Variants in NDUFS1 observed in about 807,000 individuals in gnomAD.
NDUFS1 encodes the protein NADH:ubiquinone oxidoreductase core subunit S1.
NDUFS1 carries 61 observed loss-of-function variants against 84.4 expected under a neutral mutation model. That is an observed-to-expected ratio of 0.72 (90% CI 0.59 to 0.89). The LOEUF (loss-of-function observed/expected upper bound fraction) is 0.89, where lower values mean the gene tolerates loss of function less well. Among genes scored for constraint, NDUFS1 ranks in the 40% least tolerant of loss-of-function variants. The pLI, the probability that NDUFS1 is intolerant of heterozygous loss-of-function variation, is 0.00. For missense variants in NDUFS1, 891 were observed against 890.0 expected (o/e 1.00, Z -0.01); for synonymous variants, 275 against 290.0 (o/e 0.95, Z 0.53).
In NDUFS1 at chr2:206,130,343, C is replaced by A. The variant is rs1019734815; in HGVS notation, c.1554-101G>T. 1.0e-5 allele frequency: 14 copies of A among 1,401,816 alleles called. No individual in the cohort carries two copies. In the Middle Eastern group the frequency reaches 9.6e-4, roughly 96 times the overall value. 86.8% of individuals were successfully genotyped at this position (1,401,816 alleles called of 1,614,324 possible). Reference sequence around the variant, plus strand: ...ATTTCCTTTCAACAATGTCAAAAAACCCATTTTATTTTATTTTATTTTTTT... The same window carrying A: ...ATTTCCTTTCAACAATGTCAAAAAAACCATTTTATTTTATTTTATTTTTTT... On this transcript the variant is annotated intron_variant, in intron 14 of 18. Coordinates refer to ENST00000233190, the MANE Select transcript of NDUFS1 (RefSeq NM_005006.7).
At position 206,118,381 on chromosome 2, in the gene NDUFS1, T is replaced by G. The variant is rs1373619993; in HGVS notation, c.*5804A>C. 2.0e-5 allele frequency: 3 copies of G among 152,248 alleles called. No homozygotes were observed. Among genetic ancestry groups the G allele is most frequent in the African/African-American group, 7.2e-5 (3 of 41,448 alleles). The allele number at this position is 152,248 out of a possible 1,614,324, so 9.4% of individuals were successfully genotyped here. ...TGGCTCATGCCTGTAATCCCAGCAC[T>G]TTGGGAGGCTGAGGCAGGTGGATCA... On this transcript the variant is annotated 3_prime_UTR_variant, in exon 19 of 19. Transcript: ENST00000233190.
intron 12 of NDUFS1, among the ~76,000 whole-genome samples, chr2:206,141,112 C>T (rs905494584): frequency 2.0e-5 from 3 of 151,904 alleles, no homozygotes; most frequent in African/African-American, 7.3e-5. Flanking sequence ...GAGGAGAAAA[C>T]GGACCTATTA....
chr2:206,133,039 C>T lies in NDUFS1; in HGVS notation c.1459G>A (p.Ala487Thr). The T allele has an allele frequency of 1.2e-6, 2 of 1,613,744 alleles. No individual in the cohort carries two copies. The highest frequency in any genetic ancestry group is 1.1e-5 in the South Asian group (1 of 91,046). ...CTAGAAACAGCTGCAAGAATTGCTG[C>T]TCCATCATTTCTTTGGAGTGCAGAA... is the stretch of plus-strand genomic sequence containing the variant. The part of the protein sequence containing the change: ...GSSALQRNDG[A>T]AILAAVSSIA... The change falls in exon 14 of 19, where the codon GCA (alanine) becomes ACA (threonine). Residue 487 changes from alanine (A) to threonine (T), a missense_variant. Coordinates refer to ENST00000233190, the MANE Select transcript of NDUFS1 (RefSeq NM_005006.7).
In NDUFS1 at chr2:206,144,934, A is replaced by C. The variant is rs772794204; in HGVS notation, c.830T>G (p.Met277Arg). 6.2e-7 allele frequency: 1 copy of C among 1,614,132 alleles called. No individual in the cohort carries two copies. Among genetic ancestry groups the C allele is most frequent in the Non-Finnish European group, 8.5e-7 (1 of 1,180,004 alleles). Residue 277 changes from methionine (M) to arginine (R), a missense_variant, in exon 9 of 19, where the codon ATG (methionine) becomes AGG (arginine). Coordinates refer to ENST00000233190, the MANE Select transcript of NDUFS1 (RefSeq NM_005006.7). ...TGEVMRILPR[M>R]HEDINEEWIS... ...CCACTCTTCATTGATGTCCTCATGCATACGTGGCAAAATCCTCATCACTTC... is the reference window on the plus strand; with the variant it reads ...CCACTCTTCATTGATGTCCTCATGCCTACGTGGCAAAATCCTCATCACTTC...
Position 206,121,239 on chromosome 2 carries a change from T to G in NDUFS1, c.*2946A>C, listed in dbSNP as rs759515366. 2.0e-5 allele frequency: 3 copies of G among 152,216 alleles called. No individual in the cohort carries two copies. The highest frequency in any genetic ancestry group is 4.4e-5 in the Non-Finnish European group (3 of 68,040). 9.4% of individuals were successfully genotyped at this position (152,216 alleles called of 1,614,324 possible). ...GAGCCTTTGTAGATTTTCTCATTGG[T>G]GATTCCTTCACTGCTTAGAATGTCA... On this transcript the variant is annotated 3_prime_UTR_variant, in exon 19 of 19. Transcript: ENST00000233190.
chr2:206,124,778 G>C (rs1479628736), intron 18 of NDUFS1, among the ~76,000 whole-genome samples: 4 of 151,786 alleles, frequency 2.6e-5, no homozygotes, highest in African/African-American at 9.7e-5. Context: ...GGCGGAGCTT[G>C]CAGTGAGCCG....
chr2:206,154,337 A>G (rs1054390395), intron 1 of NDUFS1, among the ~76,000 whole-genome samples: 6 of 152,216 alleles, frequency 3.9e-5, no homozygotes, highest in Non-Finnish European at 4.4e-5. Flanking sequence ...ACTGAGGACA[A>G]TTTTGCTCCC....
rs967141726 is a variant in NDUFS1, at chr2:206,121,824, T to C, written c.*2361A>G. On this transcript the variant is annotated 3_prime_UTR_variant, in exon 19 of 19. Coordinates refer to ENST00000233190, the MANE Select transcript of NDUFS1 (RefSeq NM_005006.7). ...TAGCAGGTAGCCCAAGGATCCTGGA[T>C]CAACTTAGCTATATAGCATCTTTTC... The C allele has an allele frequency of 2.0e-5, 3 of 152,150 alleles. No individual in the cohort carries two copies. The highest frequency in any genetic ancestry group is 7.2e-5 in the African/African-American group (3 of 41,422). 9.4% of individuals were successfully genotyped at this position (152,150 alleles called of 1,614,324 possible). A position where few individuals can be genotyped will look rare whatever the true frequency, so the allele number is the denominator to read the frequency against.
chr2:206,159,228 G>A (rs1296377642), intron 1 of NDUFS1, 113 bp downstream of exon 1: 1 of 1,283,064 alleles, frequency 7.8e-7, no homozygotes, highest in South Asian at 1.3e-5. Flanking sequence ...GGGAGGCGGC[G>A]CCCAGTCAAG....
rs1691044323 is a variant in NDUFS1 at position 206,119,737 on chromosome 2, T to C, written c.*4448A>G. On this transcript the variant is annotated 3_prime_UTR_variant, in exon 19 of 19. Transcript: ENST00000233190. ...GCCAAGTATATTTTTAATTAATGTA[T>C]TCATTATAATACAATTTACTACAAA... 1 of 152,126 alleles carries C rather than the reference T, an allele frequency of 6.6e-6. No homozygotes were observed. The highest frequency in any genetic ancestry group is 2.1e-4 in the South Asian group (1 of 4,826). 9.4% of individuals were successfully genotyped at this position (152,126 alleles called of 1,614,324 possible).
Position 206,138,566 on chromosome 2 carries a change from G to A in NDUFS1, c.1311C>T (p.Asp437=), listed in dbSNP as rs377479368. ...CCAGGTGGTCATATGTGTAAGTGAG[G>A]TCCACTGGACTGCCTATAAGGGCCA... ...LKVALIGSPV[D]LTYTYDHLGD... Residue 437 remains aspartate (D), a synonymous_variant, in exon 13 of 19, where the codon GAC becomes GAT. Coordinates refer to ENST00000233190, the MANE Select transcript of NDUFS1 (RefSeq NM_005006.7). The A allele has an allele frequency of 2.5e-5, 40 of 1,613,742 alleles. No individual in the cohort carries two copies. The highest frequency in any genetic ancestry group is 3.2e-5 in the Non-Finnish European group (38 of 1,179,790).
intron 10 of NDUFS1, 131 bp from the exon 11 acceptor site, chr2:206,142,962 T>C (rs1692020226): frequency 7.7e-7 from 1 of 1,298,870 alleles, no homozygotes; most frequent in South Asian, 1.3e-5. Flanking sequence ...TTAAAAGTTT[T>C]ACAACATGCC....
At chr2:206,125,918 GTAT>G (rs2105942735) in intron 18 of NDUFS1, among the ~76,000 whole-genome samples, 1 of 152,124 alleles carries the variant, frequency 6.6e-6, no homozygotes, top group East Asian at 1.9e-4. Context: ...TTGAGCATAG[GTAT>G]TATTTTACAA....
At chr2:206,127,644 C>T (rs1372797705) in intron 16 of NDUFS1, 153 bp downstream of exon 16, 2 of 818,260 alleles carry the variant, frequency 2.4e-6, no homozygotes, top group Non-Finnish European at 3.9e-6. Flanking sequence ...ACCTTGAATT[C>T]CTGTTTCTGA....
intron 13 of NDUFS1, among the ~76,000 whole-genome samples, chr2:206,135,041 C>T (rs987721817): frequency 1.3e-5 from 2 of 150,990 alleles, no homozygotes; most frequent in Non-Finnish European, 3.0e-5. Flanking sequence ...TCTTTTGAGA[C>T]AGGGTCTTAC....
At chr2:206,133,807 G>A (rs1452208495) in intron 13 of NDUFS1, among the ~76,000 whole-genome samples, 3 of 152,194 alleles carry the variant, frequency 2.0e-5, no homozygotes, top group African/African-American at 4.8e-5. Context: ...GCGAAACCCC[G>A]TCTCTACTAA....
Position 206,117,917 on chromosome 2 carries a change from TAA to T in NDUFS1, c.*6266_*6267del, listed in dbSNP as rs1396745145. 6.6e-6 allele frequency: 1 copy of T among 152,210 alleles called. No individual in the cohort carries two copies. The highest frequency in any genetic ancestry group is 6.5e-5 in the Admixed American group (1 of 15,268). The allele number at this position is 152,210 out of a possible 1,614,324, so 9.4% of individuals were successfully genotyped here. A position where few individuals can be genotyped will look rare whatever the true frequency, so the allele number is the denominator to read the frequency against. On this transcript the variant is annotated 3_prime_UTR_variant, in exon 19 of 19. Transcript: ENST00000233190. ...ATTATGATTTTAAGAAGGAAATTAA[TAA>T]GTTATTCATCTCAGTATCTCTTTAG...
Position 206,144,095 on chromosome 2 carries a change from C to A in NDUFS1, c.910G>T (p.Glu304Ter), listed in dbSNP as rs779109395. Residue 304 changes from glutamate (E) to a stop codon, truncating the protein, a stop_gained, in exon 10 of 19, where the codon GAG becomes TAG. Coordinates refer to ENST00000233190, the MANE Select transcript of NDUFS1 (RefSeq NM_005006.7). LOFTEE classifies it high-confidence loss of function. The stretch of plus-strand genomic sequence containing the variant: ...CCTTTTTCATTTCTGACCATTGGCT[C>A]GGTAAGTCTTTGACGTTTTAGCCCA... ...YDGLKRQRLT[E>*]PMVRNEKGLL... The A allele has an allele frequency of 6.2e-7, 1 of 1,614,008 alleles. No individual in the cohort carries two copies. Among genetic ancestry groups the A allele is most frequent in the South Asian group, 1.1e-5 (1 of 91,070 alleles).
At chr2:206,150,690 C>G (rs1454445390) in intron 3 of NDUFS1, among the ~76,000 whole-genome samples, 2 of 152,216 alleles carry the variant, frequency 1.3e-5, no homozygotes, top group Non-Finnish European at 2.9e-5. Context: ...ATGTCCAAAC[C>G]TTAATCTGCA....
Sources: gnomAD v4.1 joint callset for allele counts (sites outside exome capture counted in the v4.1 genomes callset) on GRCh38, gnomAD v4.1.1 for gene constraint, MANE v1.5 for transcripts, NCBI Gene and HGNC (gene_info 2026-07-23, HGNC 2026-07-21) for gene names.